The following DAB2IP variants were observed in gnomAD, a reference collection of about 807,000 sequenced individuals.
The protein encoded by DAB2IP is DAB2 interacting protein, also known as disabled homolog 2-interacting protein.
DAB2IP carries 28 observed loss-of-function variants against 107.2 expected under a neutral mutation model. The ratio of observed to expected loss-of-function variants is 0.26; its 90% confidence interval spans 0.19 to 0.36. The LOEUF is 0.36. DAB2IP is among the 10% of genes least tolerant of loss of function. DAB2IP has a pLI of 1.00. For missense variants in DAB2IP, 1,400 were observed against 1,644.7 expected (o/e 0.85, Z 2.57); for synonymous variants, 755 against 706.4 (o/e 1.07, Z -1.09).
chr9:121,639,362 A>C (rs1006774881), intron 1 of DAB2IP, among the ~76,000 whole-genome samples: 1 of 152,206 alleles, frequency 6.6e-6, no homozygotes, highest in Non-Finnish European at 1.5e-5. Flanking sequence ...TGGTCAGAGC[A>C]CAGCGGCAAG....
intron 1 of DAB2IP, among the ~76,000 whole-genome samples, chr9:121,617,097 G>A (rs1191955751): frequency 1.3e-5 from 2 of 152,234 alleles, no homozygotes; most frequent in Non-Finnish European, 2.9e-5. Flanking sequence ...ACTCTGGGAG[G>A]CCGAGGTGAG....
At chr9:121,574,725 C>T (rs2118890464) in intron 1 of DAB2IP, among the ~76,000 whole-genome samples, 1 of 152,264 alleles carries the variant, frequency 6.6e-6, no homozygotes, top group South Asian at 2.1e-4. Context: ...GCTGCTCCCA[C>T]CACCCCACTG....
chr9:121,592,173 G>C (rs936785335), intron 1 of DAB2IP, among the ~76,000 whole-genome samples: 2 of 152,114 alleles, frequency 1.3e-5, no homozygotes, highest in Non-Finnish European at 2.9e-5. Flanking sequence ...TTTGAGACCA[G>C]CATGGCCAAC....
At chr9:121,770,548 C>G (rs753987009) in exon 11 of DAB2IP, 2 of 1,613,720 alleles carry the variant, frequency 1.2e-6, no homozygotes, top group Non-Finnish European at 1.7e-6. Context: ...CTTTACAGAG[C>G]ATAGTATCCA....
At chr9:121,678,920 A>G in intron 2 of DAB2IP, 139 bp downstream of exon 2, 3 of 781,482 alleles carry the variant, frequency 3.8e-6, no homozygotes, top group Non-Finnish European at 5.6e-6. Context: ...TGCTCTAGGT[A>G]TCCGATCCCT....
At chr9:121,660,838 A>G (rs910158288) in intron 1 of DAB2IP, among the ~76,000 whole-genome samples, 2 of 152,122 alleles carry the variant, frequency 1.3e-5, no homozygotes, top group South Asian at 2.1e-4. Context: ...TTAAACATCT[A>G]TATTTGGCAA....
At chr9:121,604,188 C>A (rs1426022497) in intron 1 of DAB2IP, among the ~76,000 whole-genome samples, 2 of 152,182 alleles carry the variant, frequency 1.3e-5, no homozygotes, top group African/African-American at 4.8e-5. Flanking sequence ...GTAGTCTTGA[C>A]CAGGAGACAA....
intron 1 of DAB2IP, among the ~76,000 whole-genome samples, chr9:121,655,182 G>C (rs1399962941): frequency 3.9e-5 from 6 of 152,132 alleles, no homozygotes. Context: ...CGGAGGGTGA[G>C]GGCCATTTGC....
chr9:121,759,451 C>T (rs1405030934), intron 5 of DAB2IP, among the ~76,000 whole-genome samples: 1 of 152,226 alleles, frequency 6.6e-6, no homozygotes, highest in African/African-American at 2.4e-5. Flanking sequence ...GCTTCTGTAT[C>T]TGTCTCCCTA....
At chr9:121,667,811 C>G (rs1233726436) in intron 1 of DAB2IP, among the ~76,000 whole-genome samples, 4 of 152,140 alleles carry the variant, frequency 2.6e-5, no homozygotes, top group African/African-American at 9.7e-5. Flanking sequence ...TCCACTTTTT[C>G]TAACTGGCCA....
At chr9:121,619,632 A>T (rs1831394879) in intron 1 of DAB2IP, among the ~76,000 whole-genome samples, 1 of 152,212 alleles carries the variant, frequency 6.6e-6, no homozygotes, top group Non-Finnish European at 1.5e-5. Context: ...GGTAGCTCTT[A>T]AGATTTTTTC....
At chr9:121,646,953 A>G (rs1328612931), upstream of DAB2IP, among the ~76,000 whole-genome samples, 3 of 152,114 alleles carry the variant, frequency 2.0e-5, no homozygotes, top group Non-Finnish European at 4.4e-5. Flanking sequence ...AGAAATAACC[A>G]TCTGCCTCCT....
At chr9:121,713,863 C>T (rs1252470824) in intron 3 of DAB2IP, among the ~76,000 whole-genome samples, 2 of 152,316 alleles carry the variant, frequency 1.3e-5, no homozygotes, top group Admixed American at 1.3e-4. Context: ...GCAAGCCACA[C>T]GGGGGCTCTC....
intron 1 of DAB2IP, among the ~76,000 whole-genome samples, chr9:121,658,576 G>T (rs974942862): frequency 5.9e-5 from 9 of 152,206 alleles, no homozygotes; most frequent in Non-Finnish European, 1.2e-4. Context: ...GGCCCATGTG[G>T]CCTTCAGTTT....
chr9:121,626,846 C>T (rs1033198969), intron 1 of DAB2IP, among the ~76,000 whole-genome samples: 9 of 151,670 alleles, frequency 5.9e-5, no homozygotes, highest in Admixed American at 4.6e-4. Flanking sequence ...AAAAGGTTCT[C>T]TTGTGTTTTG....
intron 3 of DAB2IP, among the ~76,000 whole-genome samples, chr9:121,738,388 T>A (rs1240345421): frequency 6.6e-6 from 1 of 152,222 alleles, no homozygotes; most frequent in African/African-American, 2.4e-5. Flanking sequence ...CTTCTAAAAC[T>A]TTTATTGATC....
chr9:121,782,752 G>A lies in DAB2IP; in HGVS notation c.*254G>A. ...GACTGCACGCTGGGGAGTGGGGACA[G>A]CCTGATGGGGCAGGGGGCCTGCCAA... On this transcript the variant is annotated 3_prime_UTR_variant, in exon 16 of 16. Transcript: ENST00000408936. This position sits in a 1 kb window ranked among gnomAD's most constrained non-coding sequence, Gnocchi z 6.1. The A allele has an allele frequency of 2.2e-6, 3 of 1,351,248 alleles. No individual in the cohort carries two copies. The highest frequency in any genetic ancestry group is 1.9e-6 in the Non-Finnish European group (2 of 1,051,320). The allele number at this position is 1,351,248 out of a possible 1,614,324, so 83.7% of individuals were successfully genotyped here.
intron 3 of DAB2IP, among the ~76,000 whole-genome samples, chr9:121,716,015 A>G (rs1312083060): frequency 6.6e-6 from 1 of 152,212 alleles, no homozygotes; most frequent in Admixed American, 6.5e-5. Context: ...TCATAGTGCC[A>G]TGAGAACCTG....
chr9:121,646,519 C>G (rs1832544163), intron 1 of DAB2IP, among the ~76,000 whole-genome samples: 1 of 143,524 alleles, frequency 7.0e-6, no homozygotes, highest in Non-Finnish European at 1.5e-5. Flanking sequence ...CTGTCCCCCC[C>G]ACCCCCACCC....
Sources: allele counts gnomAD v4.1 joint callset (sites outside exome capture counted in the v4.1 genomes callset), GRCh38; gene constraint gnomAD v4.1.1; non-coding constraint Gnocchi (gnomAD v3.1); transcripts MANE v1.5; gene names NCBI Gene and HGNC (gene_info 2026-07-23, HGNC 2026-07-21).